U2SURP: variants seen among roughly 807,000 people sequenced by gnomAD.
U2SURP encodes U2 snRNP-associated SURP motif-containing protein.
In U2SURP, 9 loss-of-function variants were observed where a neutral mutation model predicts 144.9. The ratio of observed to expected loss-of-function variants is 0.06; its 90% CI spans 0.04 to 0.11. The LOEUF (loss-of-function observed/expected upper bound fraction) is 0.11. Among genes scored for constraint, U2SURP ranks in the 10% least tolerant of loss-of-function variants. U2SURP has a pLI of 1.00. For missense variants in U2SURP, 724 were observed against 1,226.7 expected, an observed-to-expected ratio of 0.59 and a Z score of 6.12; for synonymous variants, 408 against 396.8, an observed-to-expected ratio of 1.03 and a Z score of -0.33.
chr3:143,047,280 CCCA>C (rs1274634097), intron 24 of U2SURP, among the ~76,000 whole-genome samples: 3 of 54,170 alleles, frequency 5.5e-5, no homozygotes, highest in Non-Finnish European at 9.7e-5. Context: ...GGCTGACCCC[CCCA>C]CCTCCCTCCC....
intron 1 of U2SURP, among the ~76,000 whole-genome samples, chr3:143,001,915 G>A (rs1469958284): frequency 6.6e-6 from 1 of 152,248 alleles, no homozygotes; most frequent in East Asian, 1.9e-4. Flanking sequence ...GCTTCGGCCC[G>A]CGCTTGGCAT....
At chr3:143,020,110 A>C in intron 7 of U2SURP, 74 bp downstream of exon 7, 2 of 900,956 alleles carry the variant, frequency 2.2e-6, no homozygotes, top group Non-Finnish European at 3.2e-6. Context: ...AAGTATAAAG[A>C]ATATACTGTA....
At chr3:143,012,486 T>G in intron 3 of U2SURP, 133 bp downstream of exon 3, 2 of 871,900 alleles carry the variant, frequency 2.3e-6, no homozygotes, top group Non-Finnish European at 3.1e-6. Context: ...ATAGCATTCT[T>G]TTTGTATTTG....
chr3:143,041,065 C>CAA (rs139846090), intron 23 of U2SURP, among the ~76,000 whole-genome samples: 1 of 148,998 alleles, frequency 6.7e-6, no homozygotes, highest in African/African-American at 2.4e-5. Context: ...TTTGAAATTG[C>CAA]AAAAAAAAAT....
Position 143,027,139 on chromosome 3 carries a change from G to T in U2SURP, c.1275-10G>T, listed in dbSNP as rs1560188181. ...TGAATCCATTTTCTTTAACTGTGTT[G>T]TTGTTGTAGGAATTTGCTCGCCCTG... On this transcript the variant is annotated splice_polypyrimidine_tract_variant and intron_variant, in intron 13 of 27. Coordinates refer to ENST00000473835, the MANE Select transcript of U2SURP (RefSeq NM_001080415.2). The T allele has an allele frequency of 2.5e-6, 4 of 1,605,908 alleles. No individual in the cohort carries two copies. The highest frequency in any genetic ancestry group is 2.2e-5 in the East Asian group (1 of 44,784).
At chr3:143,032,632 G>T (rs1054277033) in intron 16 of U2SURP, among the ~76,000 whole-genome samples, 152 bp from the exon 17 acceptor site, 4 of 152,132 alleles carry the variant, frequency 2.6e-5, no homozygotes, top group Non-Finnish European at 5.9e-5. Context: ...TAACAATTTT[G>T]GGGGACACAA....
At chr3:143,041,797 G>C (rs752567172) in intron 23 of U2SURP, among the ~76,000 whole-genome samples, 1 of 151,944 alleles carries the variant, frequency 6.6e-6, no homozygotes. Context: ...CAACATAGAA[G>C]GGCTTGCGAG....
At chr3:143,039,844 A>T (rs1934010668) in intron 23 of U2SURP, among the ~76,000 whole-genome samples, 2 of 151,896 alleles carry the variant, frequency 1.3e-5, no homozygotes, top group Non-Finnish European at 2.9e-5. Flanking sequence ...ACGATGGTGA[A>T]AACTTGTCTA....
intron 23 of U2SURP, among the ~76,000 whole-genome samples, chr3:143,042,609 C>T (rs1578157902): frequency 6.6e-6 from 1 of 152,198 alleles, no homozygotes; most frequent in East Asian, 1.9e-4. Context: ...CCCTCCCATC[C>T]TTCCATGTCC....
intron 19 of U2SURP, 35 bp from the exon 20 acceptor site, chr3:143,035,947 A>G (rs752489465): frequency 2.3e-5 from 36 of 1,563,902 alleles, no homozygotes; most frequent in Non-Finnish European, 6.9e-6. Context: ...TATAGCCCAA[A>G]ATAAAAGTTT....
rs1381634524 is a variant in U2SURP, at chr3:143,059,669, A to C, written c.*3219A>C. ...TTCTTTAGCAGAGAAAGTTGGTTTT[A>C]AAAATAAATAGTACCACTTTTCTAA... is the stretch of plus-strand genomic sequence containing the variant. On this transcript the variant is annotated 3_prime_UTR_variant, in exon 28 of 28. Coordinates refer to ENST00000473835, the MANE Select transcript of U2SURP (RefSeq NM_001080415.2). The C allele has an allele frequency of 6.6e-6, 1 of 151,930 alleles. No homozygotes were observed. The highest frequency in any genetic ancestry group is 1.5e-5 in the Non-Finnish European group (1 of 67,838). The allele number at this position is 151,930 out of a possible 1,614,324, so 9.4% of individuals were successfully genotyped here. A position where few individuals can be genotyped will look rare whatever the true frequency, so the allele number is the denominator to read the frequency against.
chr3:143,014,473 G>T, intron 4 of U2SURP, 64 bp downstream of exon 4: 1 of 1,106,830 alleles, frequency 9.0e-7, no homozygotes. Flanking sequence ...GTTAGTAAGT[G>T]TATTAGAGGA....
intron 21 of U2SURP, among the ~76,000 whole-genome samples, chr3:143,037,728 C>A (rs949488296): frequency 6.6e-6 from 1 of 151,964 alleles, no homozygotes; most frequent in Admixed American, 6.6e-5. Flanking sequence ...TTCCTAGCTG[C>A]CTAAAATCAT....
chr3:143,060,000 T>C lies in U2SURP; in HGVS notation c.*3550T>C, dbSNP rs1374948526. The C allele has an allele frequency of 6.6e-6, 1 of 152,422 alleles. No homozygotes were observed. The highest frequency in any genetic ancestry group is 6.6e-5 in the Admixed American group (1 of 15,252). The allele number at this position is 152,422 out of a possible 1,614,324, so 9.4% of individuals were successfully genotyped here. A position where few individuals can be genotyped will look rare whatever the true frequency, so the allele number is the denominator to read the frequency against. On this transcript the variant is annotated 3_prime_UTR_variant, in exon 28 of 28. Coordinates refer to ENST00000473835, the MANE Select transcript of U2SURP (RefSeq NM_001080415.2). ...TAAGTACAAATCCCAGGGGAAGTGT[T>C]GTGATGCTAGACTAAAAGGTGGGAA... is the stretch of plus-strand genomic sequence containing the variant.
intron 23 of U2SURP, among the ~76,000 whole-genome samples, chr3:143,042,404 C>G (rs1934162750): frequency 6.6e-6 from 1 of 152,042 alleles, no homozygotes; most frequent in Non-Finnish European, 1.5e-5. Flanking sequence ...ATAGGCTCTG[C>G]TGAAGTTACT....
rs771169895 is a variant in U2SURP at position 143,032,768 on chromosome 3, A to T, written c.1611-16A>T. The T allele has an allele frequency of 5.0e-6, 8 of 1,598,150 alleles. No homozygotes were observed. The Admixed American group carries it at 1.2e-4, about 24-fold the overall frequency. On this transcript the variant is annotated splice_polypyrimidine_tract_variant and intron_variant, in intron 16 of 27. Transcript: ENST00000473835. ...TTGTATCTAAATATTTATAAGTTAAAACAATTTATGTTCAGACAGAGGGAT... is the reference window on the plus strand; with the variant it reads ...TTGTATCTAAATATTTATAAGTTAATACAATTTATGTTCAGACAGAGGGAT...
chr3:143,025,992 A>G (rs1467151045), intron 13 of U2SURP: 1 of 152,126 alleles, frequency 6.6e-6, no homozygotes, highest in African/African-American at 2.4e-5. Flanking sequence ...TATGAACGTA[A>G]TTTGAGCTGG....
In U2SURP at chr3:143,023,980, G is replaced by C. The variant is rs909205463; in HGVS notation, c.1236G>C (p.Leu412=). 3.1e-6 allele frequency: 5 copies of C among 1,612,922 alleles called. No individual in the cohort carries two copies. The Admixed American group carries it at 8.3e-5, about 27-fold the overall frequency. ...TGATGTGACTTCATATACAGACTCT[G>C]TCGCAAGCCATAGTCAAAGTGGTTA... ...PKNKEDFEKT[L]SQAIVKVVIP... The change falls in exon 13 of 28, where the codon CTG becomes CTC. Residue 412 remains leucine, a synonymous_variant. Transcript: ENST00000473835.
intron 23 of U2SURP, 109 bp downstream of exon 23, chr3:143,039,069 AT>A: frequency 2.7e-6 from 2 of 739,200 alleles, no homozygotes; most frequent in Non-Finnish European, 4.0e-6. Flanking sequence ...CTCTTAAAAA[AT>A]TTTGGGAGAG....
Sources: allele counts gnomAD v4.1 joint callset (sites outside exome capture counted in the v4.1 genomes callset), GRCh38; gene constraint gnomAD v4.1.1; transcripts MANE v1.5; gene names NCBI Gene and HGNC (gene_info 2026-07-23, HGNC 2026-07-21).